Variants in ADAMTS3 observed in about 807,000 individuals in gnomAD.
ADAMTS3 encodes the protein A disintegrin and metalloproteinase with thrombospondin motifs 3.
Under a neutral mutation model 129.0 loss-of-function variants are expected in ADAMTS3, and 73 were observed. That is an observed-to-expected ratio of 0.57 (90% confidence interval 0.47 to 0.69). ADAMTS3 has a LOEUF of 0.69. ADAMTS3 is among the 30% of genes least tolerant of loss of function. ADAMTS3 has a pLI of 0.00. For synonymous variants in ADAMTS3, 477 were observed against 510.8 expected (o/e 0.93, Z 0.89); for missense variants, 1,457 against 1,514.5 (o/e 0.96, Z 0.63).
rs139371883 is a variant in ADAMTS3 at position 72,359,081 on chromosome 4, C to T, written c.662-19388G>A. 5.7e-3 allele frequency among the ~76,000 whole-genome samples: 864 copies of T among 151,936 alleles called. 6 individuals are homozygous for T. The highest frequency in any genetic ancestry group is 0.019 in the African/African-American group (780 of 41,474). ...AATAAACGATCTGCAATTTAAAAGT[C>T]GAGAGTGAGTAGATAAAACTCAGAA... On this transcript the variant is annotated intron_variant, in intron 4 of 21. Transcript: ENST00000286657.
chr4:72,395,368 T>G (rs1044197593), intron 4 of ADAMTS3, among the ~76,000 whole-genome samples: 1 of 152,266 alleles, frequency 6.6e-6, no homozygotes, highest in East Asian at 1.9e-4. Flanking sequence ...CAGTCTAGCA[T>G]GTATAAGGAC....
At chr4:72,288,723 C>G in intron 21 of ADAMTS3, 28 bp downstream of exon 21, 8 of 1,380,656 alleles carry the variant, frequency 5.8e-6, no homozygotes, top group Non-Finnish European at 7.2e-6. Flanking sequence ...AACATCAGAG[C>G]AGTGAAGTCA....
intron 5 of ADAMTS3, among the ~76,000 whole-genome samples, chr4:72,325,701 G>A (rs572239305): frequency 5.9e-5 from 9 of 152,244 alleles, no homozygotes; most frequent in Non-Finnish European, 7.4e-5. Context: ...GAGAAGTAAG[G>A]AAGAGTAGGA....
intron 3 of ADAMTS3, among the ~76,000 whole-genome samples, chr4:72,429,758 T>C (rs1006660145): frequency 1.3e-5 from 2 of 152,078 alleles, no homozygotes; most frequent in African/African-American, 4.8e-5. Flanking sequence ...AGGAATTCTG[T>C]GTGGGTAAAC....
At chr4:72,506,454 C>T (rs1720161610) in intron 3 of ADAMTS3, among the ~76,000 whole-genome samples, 1 of 152,174 alleles carries the variant, frequency 6.6e-6, no homozygotes, top group Admixed American at 6.5e-5. Flanking sequence ...GCTGTGGTGA[C>T]CCCTACCCTG....
intron 4 of ADAMTS3, among the ~76,000 whole-genome samples, chr4:72,368,335 T>C (rs1720922720): frequency 6.6e-6 from 1 of 152,162 alleles, no homozygotes; most frequent in South Asian, 2.1e-4. Context: ...GCAAAATCAC[T>C]TATCTTTTGG....
intron 3 of ADAMTS3, among the ~76,000 whole-genome samples, chr4:72,446,980 AT>A (rs1273793023): frequency 6.6e-6 from 1 of 151,758 alleles, no homozygotes; most frequent in Non-Finnish European, 1.5e-5. Context: ...AATGATCTTA[AT>A]AGGTTAAACA....
Position 72,312,279 on chromosome 4 carries a change from G to C in ADAMTS3, c.1921+12C>G, listed in dbSNP as rs755709048. 1.2e-6 allele frequency: 2 copies of C among 1,613,228 alleles called. No homozygotes were observed. Among genetic ancestry groups the C allele is most frequent in the South Asian group, 1.1e-5 (1 of 91,026 alleles). On this transcript the variant is annotated intron_variant, in intron 13 of 21. Transcript: ENST00000286657. ...ATCCACACAGCAGGAAGGAGAGCAC[G>C]AGGCTACTCACGGTCAGGATGTTCA...
Position 72,319,319 on chromosome 4 carries a change from G to T in ADAMTS3, c.1352+13C>A, listed in dbSNP as rs1403269089. 2 of 1,613,602 alleles carry T rather than the reference G, an allele frequency of 1.2e-6. No homozygotes were observed. The highest frequency in any genetic ancestry group is 1.7e-6 in the Non-Finnish European group (2 of 1,179,770). ...AAAATAAATACTTTCATGACATGCA[G>T]CAGGGGACATACTGGATATATCTTT... On this transcript the variant is annotated intron_variant, in intron 9 of 21. Coordinates refer to ENST00000286657, the MANE Select transcript of ADAMTS3 (RefSeq NM_014243.3).
At chr4:72,556,924 C>A (rs2109800369) in intron 2 of ADAMTS3, among the ~76,000 whole-genome samples, 1 of 151,696 alleles carries the variant, frequency 6.6e-6, no homozygotes, top group East Asian at 1.9e-4. Flanking sequence ...CCCTATAATC[C>A]CACCCAGCCT....
At chr4:72,458,490 T>A (rs1718683162) in intron 3 of ADAMTS3, among the ~76,000 whole-genome samples, 1 of 151,608 alleles carries the variant, frequency 6.6e-6, no homozygotes, top group Non-Finnish European at 1.5e-5. Context: ...AGGTCTGGTA[T>A]TTAAGTTAAG....
intron 4 of ADAMTS3, among the ~76,000 whole-genome samples, chr4:72,370,493 G>A (rs970454238): frequency 6.6e-6 from 1 of 152,112 alleles, no homozygotes; most frequent in African/African-American, 2.4e-5. Flanking sequence ...TACCCTTAAT[G>A]GTGTTGTGTG....
At chr4:72,475,670 T>C (rs1719209349) in intron 3 of ADAMTS3, among the ~76,000 whole-genome samples, 1 of 151,718 alleles carries the variant, frequency 6.6e-6, no homozygotes, top group African/African-American at 2.4e-5. Flanking sequence ...TCAATATTTA[T>C]AAAATATTCT....
intron 3 of ADAMTS3, among the ~76,000 whole-genome samples, chr4:72,500,180 C>A (rs1035570373): frequency 6.6e-6 from 1 of 152,006 alleles, no homozygotes; most frequent in Non-Finnish European, 1.5e-5. Context: ...GTTTAAAGTT[C>A]TTTGAGATAT....
At chr4:72,411,743 C>T (rs997560005) in intron 4 of ADAMTS3, among the ~76,000 whole-genome samples, 2 of 152,038 alleles carry the variant, frequency 1.3e-5, no homozygotes, top group Non-Finnish European at 2.9e-5. Context: ...CTTTATCAAG[C>T]CTATTTCTGT....
intron 4 of ADAMTS3, among the ~76,000 whole-genome samples, chr4:72,395,984 GA>G (rs1721715409): frequency 6.6e-6 from 1 of 152,190 alleles, no homozygotes; most frequent in Non-Finnish European, 1.5e-5. Context: ...GGCTCTGAAC[GA>G]AAGTGGAAAC....
intron 4 of ADAMTS3, among the ~76,000 whole-genome samples, chr4:72,357,980 C>T (rs1415706512): frequency 6.6e-6 from 1 of 151,816 alleles, no homozygotes; most frequent in Non-Finnish European, 1.5e-5. Flanking sequence ...ATGATTTATG[C>T]AAGGATGGCT....
At chr4:72,504,415 T>C (rs1365351549) in intron 3 of ADAMTS3, among the ~76,000 whole-genome samples, 2 of 152,192 alleles carry the variant, frequency 1.3e-5, no homozygotes, top group Non-Finnish European at 2.9e-5. Context: ...TTCTGGCTCG[T>C]AAGGTTTCTG....
chr4:72,338,017 T>C (rs905639033), intron 5 of ADAMTS3, among the ~76,000 whole-genome samples: 2 of 152,116 alleles, frequency 1.3e-5, no homozygotes, highest in African/African-American at 2.4e-5. Context: ...CATAGGAAGT[T>C]TGAAATTTTA....
Sources: gnomAD v4.1 joint callset for allele counts (sites outside exome capture counted in the v4.1 genomes callset) on GRCh38, gnomAD v4.1.1 for gene constraint, MANE v1.5 for transcripts, NCBI Gene and HGNC (gene_info 2026-07-23, HGNC 2026-07-21) for gene names.